Variants in RGS9 observed in about 807,000 individuals in gnomAD.
The protein encoded by RGS9 is regulator of G-protein signalling 9.
A neutral mutation model predicts 102.0 loss-of-function variants in RGS9; 78 were observed. That is an observed-to-expected ratio of 0.76 (90% confidence interval 0.64 to 0.92). The LOEUF (loss-of-function observed/expected upper bound fraction) is 0.92. Ranked by LOEUF, RGS9 falls within the 40% of genes least tolerant of loss-of-function variation. The pLI is 0.00. For missense variants in RGS9, 833 were observed against 866.1 expected (o/e 0.96, Z 0.48); for synonymous variants, 353 against 318.6 (o/e 1.11, Z -1.15).
chr17:65,164,509 CA>C (rs1911101556), intron 7 of RGS9, among the ~76,000 whole-genome samples: 2 of 152,182 alleles, frequency 1.3e-5, no homozygotes, highest in Admixed American at 6.5e-5. Context: ...GTGACAGTCC[CA>C]GATCCAGGAA....
At chr17:65,171,030 GT>G (rs1276321421) in intron 8 of RGS9, among the ~76,000 whole-genome samples, 2 of 152,112 alleles carry the variant, frequency 1.3e-5, no homozygotes, top group Non-Finnish European at 2.9e-5. Flanking sequence ...CAAACAAACC[GT>G]CAGTTCAATG....
At chr17:65,183,318 G>T (rs935876991) in intron 9 of RGS9, among the ~76,000 whole-genome samples, 1 of 152,186 alleles carries the variant, frequency 6.6e-6, no homozygotes, top group Admixed American at 6.5e-5. Context: ...AGACAAGGTT[G>T]TGTCTTTTTG....
chr17:65,205,913 A>G (rs1333518462), intron 15 of RGS9, among the ~76,000 whole-genome samples: 1 of 152,070 alleles, frequency 6.6e-6, no homozygotes, highest in Non-Finnish European at 1.5e-5. Context: ...GTTGTGTGAT[A>G]TAGGCTATCT....
intron 1 of RGS9, among the ~76,000 whole-genome samples, chr17:65,144,657 A>C (rs1910286672): frequency 6.6e-6 from 1 of 152,140 alleles, no homozygotes; most frequent in South Asian, 2.1e-4. Flanking sequence ...GCATGCCCCC[A>C]AGGACACAAG....
intron 15 of RGS9, among the ~76,000 whole-genome samples, chr17:65,205,351 T>C (rs1461682570): frequency 6.6e-6 from 1 of 152,184 alleles, no homozygotes; most frequent in African/African-American, 2.4e-5. Flanking sequence ...GGTTATGTGA[T>C]ATAGGTTATA....
At chr17:65,203,714 G>A (rs937918215) in intron 14 of RGS9, among the ~76,000 whole-genome samples, 5 of 152,094 alleles carry the variant, frequency 3.3e-5, no homozygotes, top group Admixed American at 2.0e-4. Context: ...GCTGCCTCTC[G>A]ACACAGCATG....
At chr17:65,155,037 AC>A (rs1334476571) in intron 2 of RGS9, among the ~76,000 whole-genome samples, 2 of 152,168 alleles carry the variant, frequency 1.3e-5, no homozygotes, top group African/African-American at 4.8e-5. Context: ...GCAACAGAAG[AC>A]CCACTCTTTT....
chr17:65,178,568 C>T (rs1289500440), intron 9 of RGS9, among the ~76,000 whole-genome samples: 1 of 151,986 alleles, frequency 6.6e-6, no homozygotes, highest in Non-Finnish European at 1.5e-5. Context: ...CAGTGGCATG[C>T]TCATAGCTCA....
intron 2 of RGS9, among the ~76,000 whole-genome samples, chr17:65,156,495 C>T (rs1910772777): frequency 6.6e-6 from 1 of 152,246 alleles, no homozygotes; most frequent in South Asian, 2.1e-4. Flanking sequence ...GGGAGAAGCC[C>T]TGGTCCTGCA....
chr17:65,162,969 T>C, intron 6 of RGS9, 44 bp from the exon 7 acceptor site: 1 of 1,098,576 alleles, frequency 9.1e-7, no homozygotes, highest in Non-Finnish European at 1.4e-6. Flanking sequence ...GCACATGGCA[T>C]ATGTCTTGGG....
chr17:65,198,625 C>G (rs1912693393), intron 13 of RGS9, among the ~76,000 whole-genome samples: 1 of 152,232 alleles, frequency 6.6e-6, no homozygotes, highest in Non-Finnish European at 1.5e-5. Context: ...AGATCAGAAC[C>G]AGGCTGTGCA....
rs550164311 is a variant in RGS9 at position 65,195,176 on chromosome 17, C to T, written c.860+1520C>T. On this transcript the variant is annotated intron_variant, in intron 12 of 18. Coordinates refer to ENST00000262406, the MANE Select transcript of RGS9 (RefSeq NM_003835.4). ...CTGCCTGTGGACAAGCATGTGCGGACGCTGGCTCTCCCTGGAGGAGAAGGC... is the reference window on the plus strand; with the variant it reads ...CTGCCTGTGGACAAGCATGTGCGGATGCTGGCTCTCCCTGGAGGAGAAGGC... Among the ~76,000 whole-genome samples the T allele has an allele frequency of 7.2e-5, 11 of 152,294 alleles. No individual in the cohort carries two copies. In the South Asian group the frequency reaches 8.3e-4, roughly 11 times the overall value.
intron 1 of RGS9, among the ~76,000 whole-genome samples, chr17:65,150,090 A>G (rs79858669): frequency 1.8e-4 from 28 of 152,318 alleles, no homozygotes; most frequent in African/African-American, 6.7e-4. Context: ...ACTTTGGGTA[A>G]TGGCGGGAAT....
chr17:65,138,382 A>C (rs1909995633), intron 1 of RGS9, among the ~76,000 whole-genome samples: 1 of 152,114 alleles, frequency 6.6e-6, no homozygotes, highest in Non-Finnish European at 1.5e-5. Context: ...TCTTAGGCTT[A>C]TCTTGTTGAG....
intron 1 of RGS9, 43 bp from the exon 2 acceptor site, chr17:65,153,379 A>G (rs190565068): frequency 1.3e-4 from 209 of 1,555,604 alleles, no homozygotes; most frequent in Admixed American, 1.3e-3. Flanking sequence ...ACAACTTTCA[A>G]AATTGTTCTC....
chr17:65,168,472 T>A (rs1019085339), intron 8 of RGS9, among the ~76,000 whole-genome samples, 191 bp downstream of exon 8: 5 of 151,536 alleles, frequency 3.3e-5, no homozygotes, highest in Non-Finnish European at 7.4e-5. Flanking sequence ...CTGGATGGGG[T>A]CTGCTCATGG....
intron 14 of RGS9, among the ~76,000 whole-genome samples, chr17:65,202,544 G>A (rs1912900300): frequency 6.6e-6 from 1 of 151,944 alleles, no homozygotes; most frequent in Non-Finnish European, 1.5e-5. Context: ...GAACACAGGG[G>A]AAGGGAGCTC....
At chr17:65,175,679 G>A (rs1911598853) in intron 8 of RGS9, among the ~76,000 whole-genome samples, 1 of 152,112 alleles carries the variant, frequency 6.6e-6, no homozygotes, top group Non-Finnish European at 1.5e-5. Flanking sequence ...ACTAGGGTAA[G>A]GATGGCCATT....
chr17:65,152,797 T>C (rs970074517), intron 1 of RGS9, among the ~76,000 whole-genome samples: 1 of 152,252 alleles, frequency 6.6e-6, no homozygotes, highest in Non-Finnish European at 1.5e-5. Flanking sequence ...TCCCAGATTT[T>C]GGGATTACAG....
Sources: gnomAD v4.1 joint callset for allele counts (sites outside exome capture counted in the v4.1 genomes callset) on GRCh38, gnomAD v4.1.1 for gene constraint, MANE v1.5 for transcripts, NCBI Gene and HGNC (gene_info 2026-07-23, HGNC 2026-07-21) for gene names.